Variants in SHOX observed in about 807,000 individuals in gnomAD.
The protein encoded by SHOX is SHOX homeobox.
In SHOX, 12 loss-of-function variants were observed where a neutral mutation model predicts 29.6. That is an observed-to-expected ratio of 0.41 (90% CI 0.26 to 0.66). SHOX has a LOEUF of 0.66. SHOX is among the 30% of genes least tolerant of loss of function. The pLI is 0.35. For synonymous variants in SHOX, 214 were observed against 200.6 expected (o/e 1.07, Z -0.57); for missense variants, 499 against 437.7 (o/e 1.14, Z -1.25).
chrX:632,984 C>T (rs2052677306), intron 1 of SHOX, among the ~76,000 whole-genome samples: 1 of 152,152 alleles, frequency 6.6e-6, no homozygotes, highest in South Asian at 2.1e-4. Context: ...AGCAAAGTGT[C>T]CTCCAGACCT....
chrX:629,944 C>T (rs58785484), upstream of SHOX, among the ~76,000 whole-genome samples: 3,019 of 152,252 alleles, frequency 0.02, 89 homozygotes, highest in African/African-American at 0.069. Context: ...ATTTTTTTCA[C>T]CCGGTAAATA....
intron 1 of SHOX, 186 bp downstream of exon 1, chrX:631,360 G>C (rs927894458): frequency 6.3e-6 from 2 of 316,890 alleles, no homozygotes; most frequent in African/African-American, 4.5e-5. Context: ...GACCGGAGAC[G>C]CGGGTGGTGG....
At chrX:656,193 T>C (rs183310299), downstream of SHOX, among the ~76,000 whole-genome samples, 3,669 of 139,430 alleles carry the variant, frequency 0.026, no homozygotes, top group South Asian at 0.063. Context: ...GCCTGTAATC[T>C]CAGTACTCTG....
intron 4 of SHOX, among the ~76,000 whole-genome samples, chrX:642,322 C>A (rs999378736): frequency 2.0e-5 from 3 of 151,396 alleles, no homozygotes; most frequent in Non-Finnish European, 4.4e-5. Flanking sequence ...TCTGGCAGGG[C>A]GGACGCGTGG....
chrX:656,740 G>C (rs1445043287), intron 5 of SHOX, among the ~76,000 whole-genome samples: 1 of 151,932 alleles, frequency 6.6e-6, no homozygotes, highest in Non-Finnish European at 1.5e-5. Flanking sequence ...CTACTCAGGA[G>C]GCTGAGGCAG....
At chrX:653,767 T>C (rs1250470821), downstream of SHOX, among the ~76,000 whole-genome samples, 3 of 152,214 alleles carry the variant, frequency 2.0e-5, no homozygotes, top group Non-Finnish European at 4.4e-5. Context: ...CCTGCTAACA[T>C]GTCCTTCTGT....
intron 2 of SHOX, among the ~76,000 whole-genome samples, chrX:636,362 A>AAATATATAAACATATG (rs2052751181): frequency 7.0e-6 from 1 of 143,078 alleles, no homozygotes; most frequent in African/African-American, 2.5e-5. Flanking sequence ...ATAAACATAT[A>AAATATATAAACATATG]TAAATATATA....
intron 1 of SHOX, chrX:624,729 C>CTTTG: frequency 7.3e-6 from 1 of 136,546 alleles, no homozygotes; most frequent in Non-Finnish European, 1.6e-5. Flanking sequence ...TTCTTTCTTT[C>CTTTG]TTTCTTTCTT....
At position 651,410 on chromosome X, in the gene SHOX, C is replaced by T; in HGVS notation, c.*6774C>T. 4.9e-6 allele frequency: 2 copies of T among 412,250 alleles called. No homozygotes were observed. Among genetic ancestry groups the T allele is most frequent in the Non-Finnish European group, 4.8e-6 (1 of 209,336 alleles). 25.5% of individuals were successfully genotyped at this position (412,250 alleles called of 1,614,324 possible). Reference sequence around the variant, plus strand: ...GGTAGAAAAAAAACAAACAAACAAACAGAAAAAAAAACCAAAAAAAACCAC... The same window carrying T: ...GGTAGAAAAAAAACAAACAAACAAATAGAAAAAAAAACCAAAAAAAACCAC... On this transcript the variant is annotated 3_prime_UTR_variant, in exon 5 of 5. Coordinates refer to ENST00000686671, the MANE Select transcript of SHOX (RefSeq NM_000451.4).
chrX:626,911 CTG>C (rs1394103578), upstream of SHOX, among the ~76,000 whole-genome samples: 1 of 151,172 alleles, frequency 6.6e-6, no homozygotes, highest in Non-Finnish European at 1.5e-5. Context: ...CTGTCTCTCT[CTG>C]TGTCTCTACC....
Position 649,948 on chromosome X carries a change from C to T in SHOX, c.*5312C>T, listed in dbSNP as rs1410898737. On this transcript the variant is annotated 3_prime_UTR_variant, in exon 5 of 5. Coordinates refer to ENST00000686671, the MANE Select transcript of SHOX (RefSeq NM_000451.4). ...TCTCTCTCTGACTGCGAAGCACCCA[C>T]AGGGAGAAGGAATTGGATGTATCGG... The T allele has an allele frequency of 2.2e-6, 1 of 456,090 alleles. No individual in the cohort carries two copies. The highest frequency in any genetic ancestry group is 4.4e-6 in the Non-Finnish European group (1 of 226,812). The allele number at this position is 456,090 out of a possible 1,614,324, so 28.3% of individuals were successfully genotyped here.
intron 1 of SHOX, chrX:624,717 C>CTT (rs1160536789): frequency 7.1e-6 from 1 of 140,004 alleles, no homozygotes; most frequent in Non-Finnish European, 1.5e-5. Context: ...TTCTTTCTTT[C>CTT]TTTCTTTCTT....
intron 1 of SHOX, among the ~76,000 whole-genome samples, chrX:625,535 G>C (rs1226419368): frequency 6.6e-6 from 1 of 151,170 alleles, no homozygotes; most frequent in Admixed American, 6.6e-5. Flanking sequence ...CTGTATCTCT[G>C]TCTCTCTCTT....
At chrX:637,030 A>C (rs1449168753) in intron 2 of SHOX, among the ~76,000 whole-genome samples, 1 of 150,476 alleles carries the variant, frequency 6.6e-6, no homozygotes, top group African/African-American at 2.5e-5. Context: ...GGCTTCCCTA[A>C]GATCGTTAGG....
At chrX:654,339 T>A (rs1035187282), downstream of SHOX, among the ~76,000 whole-genome samples, 12 of 151,744 alleles carry the variant, frequency 7.9e-5, no homozygotes, top group African/African-American at 2.9e-4. Context: ...AAACTTAAAG[T>A]ATAATAATAA....
chrX:652,047 C>T (rs761412665), downstream of SHOX, among the ~76,000 whole-genome samples: 6 of 152,164 alleles, frequency 3.9e-5, no homozygotes, highest in Non-Finnish European at 8.8e-5. Context: ...CTCAGCCTCC[C>T]GAGTAGCTGG....
chrX:649,429 C>T lies in SHOX; in HGVS notation c.*4793C>T, dbSNP rs764953095. ...CGTGGGTTTGGTTTCCCGGAAGGCC[C>T]TCCAGAGACACGTTTGCGTGAACAT... On this transcript the variant is annotated 3_prime_UTR_variant, in exon 5 of 5. Transcript: ENST00000686671. Among the ~76,000 whole-genome samples, 1 of 152,272 alleles carries T rather than the reference C, an allele frequency of 6.6e-6. No homozygotes were observed. The highest frequency in any genetic ancestry group is 2.1e-4 in the South Asian group (1 of 4,812).
At position 644,531 on chromosome X, in the gene SHOX, GGCCGCCGCCGTGGTC is replaced by G. The variant is rs981978350; in HGVS notation, c.785_799del (p.Val262_Ala266del). The G allele has an allele frequency of 4.0e-6, 6 of 1,517,948 alleles. No homozygotes were observed. In the East Asian group the frequency reaches 1.3e-4, roughly 32 times the overall value. The allele number at this position is 1,517,948 out of a possible 1,614,324, so 94.0% of individuals were successfully genotyped here. A position where few individuals can be genotyped will look rare whatever the true frequency, so the allele number is the denominator to read the frequency against. ...TCGCGTCGCTGGCCGAGTCCGCCTCGGCCGCCGCCGTGGTCGCCGCCGCCGCCAAAAGCAACAGCA... is the reference window on the plus strand; with the variant it reads ...TCGCGTCGCTGGCCGAGTCCGCCTCGGCCGCCGCCGCCAAAAGCAACAGCA... On this transcript the variant is annotated inframe_deletion, in exon 5 of 5. Transcript: ENST00000686671.
Position 647,078 on chromosome X carries a change from T to A in SHOX, c.*2442T>A, listed in dbSNP as rs1351676825. On this transcript the variant is annotated 3_prime_UTR_variant, in exon 5 of 5. Coordinates refer to ENST00000686671, the MANE Select transcript of SHOX (RefSeq NM_000451.4). The stretch of plus-strand genomic sequence containing the variant: ...ACATCTACCTGGTCCCTGTAGAATC[T>A]GAACGTTTCTCTTTAGAGACGGAAT... 3.3e-5 allele frequency among the ~76,000 whole-genome samples: 5 copies of A among 152,234 alleles called. No homozygotes were observed. Among genetic ancestry groups the A allele is most frequent in the African/African-American group, 1.2e-4 (5 of 41,462 alleles).
Sources: gnomAD v4.1 joint callset for allele counts (sites outside exome capture counted in the v4.1 genomes callset) on GRCh38, gnomAD v4.1.1 for gene constraint, MANE v1.5 for transcripts, NCBI Gene and HGNC (gene_info 2026-07-23, HGNC 2026-07-21) for gene names.